Variants in WDCP observed in about 807,000 individuals in gnomAD.
WDCP encodes WD repeat and coiled coil containing, also known as WD repeat and coiled-coil-containing protein.
In WDCP, 19 loss-of-function variants were observed where a neutral mutation model predicts 41.6. The ratio of observed to expected loss-of-function variants is 0.46; its 90% CI spans 0.32 to 0.67. The LOEUF (loss-of-function observed/expected upper bound fraction) is 0.67. WDCP is among the 30% of genes least tolerant of loss of function. The pLI, the probability that WDCP is intolerant of heterozygous loss-of-function variation, is 0.04. For synonymous variants in WDCP, 302 were observed against 320.8 expected (o/e 0.94, Z 0.63); for missense variants, 802 against 850.7 (o/e 0.94, Z 0.71).
At chr2:24,045,127 T>G (rs1452709413) in intron 1 of WDCP, among the ~76,000 whole-genome samples, 1 of 152,164 alleles carries the variant, frequency 6.6e-6, no homozygotes, top group Non-Finnish European at 1.5e-5. Flanking sequence ...TGAAGCAAGT[T>G]TGCAACTATT....
At chr2:24,045,219 T>C (rs193277764) in intron 1 of WDCP, among the ~76,000 whole-genome samples, 1 of 152,182 alleles carries the variant, frequency 6.6e-6, no homozygotes, top group African/African-American at 2.4e-5. Flanking sequence ...ATATAAGTAG[T>C]GAGGAGGAAA....
Position 24,039,240 on chromosome 2 carries a change from GA to G in WDCP, c.254del (p.Val85AlafsTer17). ...GGCTGGGACACAGCTGCCACACAGTGACATGCTTCTCATGCTGGACAGCGAG... is the reference window on the plus strand; with the variant it reads ...GGCTGGGACACAGCTGCCACACAGTGCATGCTTCTCATGCTGGACAGCGAG... ...VLLAVQHEKHVTVWQLCPSPM... is the reference protein window; with the variant it reads ...VLLAVQHEKHXTVWQLCPSPM... On this transcript the variant is annotated frameshift_variant, in exon 2 of 4. Transcript: ENST00000295148. LOFTEE classifies it high-confidence loss of function. The G allele has an allele frequency of 1.9e-6, 3 of 1,614,264 alleles. No individual in the cohort carries two copies. Among genetic ancestry groups the G allele is most frequent in the Non-Finnish European group, 2.5e-6 (3 of 1,180,048 alleles).
At chr2:24,033,084 A>G (rs1037828779) in intron 2 of WDCP, 138 bp from the exon 3 acceptor site, 29 of 707,792 alleles carry the variant, frequency 4.1e-5, no homozygotes, top group Non-Finnish European at 1.6e-5. Context: ...AGTTTTAAGG[A>G]GCTCTTTGCT....
At chr2:24,042,535 CAAAAAAA>C (rs35044474) in intron 1 of WDCP, among the ~76,000 whole-genome samples, 5 of 61,582 alleles carry the variant, frequency 8.1e-5, no homozygotes, top group Non-Finnish European at 1.5e-4. Context: ...TACTCCGTCT[CAAAAAAA>C]AAAAAAAAAA....
In WDCP at chr2:24,039,202, C is replaced by T; in HGVS notation, c.293G>A (p.Ser98Asn). Residue 98 changes from serine to asparagine, a missense_variant, in exon 2 of 4, where the codon AGC becomes AAC. Physicochemically the swap from Ser to Asn is conservative, Grantham distance 46 (BLOSUM62 1). Transcript: ENST00000295148. ...WQLCPSPMES[S>N]KWLTSQTCEI... ...ACAAGTCTGAGACGTCAGCCATTTG[C>T]TTGACTCCATAGGGCTGGGACACAG... 1 of 1,614,224 alleles carries T rather than the reference C, an allele frequency of 6.2e-7. No individual in the cohort carries two copies. Among genetic ancestry groups the T allele is most frequent in the Non-Finnish European group, 8.5e-7 (1 of 1,180,038 alleles).
chr2:24,037,017 A>C (rs1032999985), intron 2 of WDCP, among the ~76,000 whole-genome samples: 1 of 152,276 alleles, frequency 6.6e-6, no homozygotes, highest in African/African-American at 2.4e-5. Flanking sequence ...AAAACATTTT[A>C]AATGAACATA....
chr2:24,034,334 C>T (rs534544442), intron 2 of WDCP, among the ~76,000 whole-genome samples: 15 of 152,258 alleles, frequency 9.9e-5, no homozygotes, highest in East Asian at 3.9e-4. Context: ...GGCAGAGAAT[C>T]GCTTGAACCC....
chr2:24,043,033 CAAAAAA>C (rs138929912), intron 1 of WDCP, among the ~76,000 whole-genome samples: 1 of 135,106 alleles, frequency 7.4e-6, no homozygotes, highest in Non-Finnish European at 1.6e-5. Flanking sequence ...AACTCCGTCT[CAAAAAA>C]AAAAAAAAAA....
In WDCP at chr2:24,045,617, A is replaced by G. The variant is rs1157662530; in HGVS notation, c.-19+1697T>C. On this transcript the variant is annotated intron_variant, in intron 1 of 3. Transcript: ENST00000295148. ...CTCCATCTCAAAAAAAAAAAAAAAA[A>G]AAAGAGAGAGAGAGAGGAAGGAAGG... Among the ~76,000 whole-genome samples, 158 of 99,422 alleles carry G rather than the reference A, an allele frequency of 1.6e-3. 1 individual carries two copies. Among genetic ancestry groups the G allele is most frequent in the African/African-American group, 7.1e-3 (143 of 20,092 alleles). 65.2% of individuals were successfully genotyped at this position (99,422 alleles called of 152,430 possible). A position where few individuals can be genotyped will look rare whatever the true frequency, so the allele number is the denominator to read the frequency against.
rs757340328 is a variant in WDCP at position 24,037,835 on chromosome 2, T to C, written c.1660A>G (p.Thr554Ala). ...QRKNLQSEKE[T>A]YQLSKEVEIL... ...TCCACTTCCTTAGACAGCTGATAAG[T>C]TTCCTTTTCACTTTGTAAGTTCTTT... Residue 554 changes from threonine (T) to alanine (A), a missense_variant, in exon 2 of 4, where the codon ACT (threonine) becomes GCT (alanine). This residue lies in a region of WDCP where 321 missense variants were observed against 305.1 expected (regional missense o/e 1.05). Transcript: ENST00000295148. The C allele has an allele frequency of 1.9e-6, 3 of 1,614,054 alleles. No individual in the cohort carries two copies. The highest frequency in any genetic ancestry group is 1.3e-5 in the African/African-American group (1 of 74,922).
intron 2 of WDCP, among the ~76,000 whole-genome samples, chr2:24,034,047 G>A (rs191430091): frequency 9.8e-4 from 150 of 152,332 alleles, no homozygotes; most frequent in African/African-American, 3.3e-3. Context: ...TGAAATTACA[G>A]GGGAAACTAT....
At chr2:24,046,790 C>G (rs1186762553) in intron 1 of WDCP, among the ~76,000 whole-genome samples, 1 of 152,214 alleles carries the variant, frequency 6.6e-6, no homozygotes, top group Non-Finnish European at 1.5e-5. Context: ...ACTAATCCCT[C>G]TAGACTCTTC....
intron 2 of WDCP, among the ~76,000 whole-genome samples, chr2:24,035,810 C>T (rs1189539902): frequency 1.3e-5 from 2 of 151,812 alleles, no homozygotes; most frequent in East Asian, 1.9e-4. Flanking sequence ...GTGGCTTACA[C>T]GTGTAATCTC....
At chr2:24,032,733 T>C in intron 3 of WDCP, 96 bp downstream of exon 3, 1 of 738,506 alleles carries the variant, frequency 1.4e-6, no homozygotes, top group Non-Finnish European at 2.5e-6. Flanking sequence ...AATTACTGAA[T>C]GGTTGGTATC....
At chr2:24,042,513 G>A (rs1479959412) in intron 1 of WDCP, among the ~76,000 whole-genome samples, 5 of 141,722 alleles carry the variant, frequency 3.5e-5, no homozygotes, top group Non-Finnish European at 6.0e-5. Flanking sequence ...TCCAGCCTGG[G>A]TGACAGAGCA....
At position 24,039,039 on chromosome 2, in the gene WDCP, G is replaced by A. The variant is rs1476195855; in HGVS notation, c.456C>T (p.Asp152=). 1 of 1,614,114 alleles carries A rather than the reference G, an allele frequency of 6.2e-7. No individual in the cohort carries two copies. Among genetic ancestry groups the A allele is most frequent in the Admixed American group, 1.7e-5 (1 of 60,026 alleles). The change falls in exon 2 of 4, where the codon GAC becomes GAT. Residue 152 remains aspartate, a synonymous_variant. Coordinates refer to ENST00000295148, the MANE Select transcript of WDCP (RefSeq NM_025203.3). ...AGTGAATGCGGCCCTGGGTGTTGATGTCTGCCTTTACCTGGGAATCATCAG... is the reference window on the plus strand; with the variant it reads ...AGTGAATGCGGCCCTGGGTGTTGATATCTGCCTTTACCTGGGAATCATCAG... ...VHSDDSQVKA[D]INTQGRIHCA... is the part of the protein sequence containing the mutation.
At chr2:24,044,527 A>G (rs1160826069) in intron 1 of WDCP, among the ~76,000 whole-genome samples, 1 of 152,180 alleles carries the variant, frequency 6.6e-6, no homozygotes, top group African/African-American at 2.4e-5. Flanking sequence ...TTGGCCTCCC[A>G]AAGTGCTAGG....
At chr2:24,036,903 G>A (rs1024428696) in intron 2 of WDCP, among the ~76,000 whole-genome samples, 1 of 152,232 alleles carries the variant, frequency 6.6e-6, no homozygotes, top group African/African-American at 2.4e-5. Flanking sequence ...GGAAGATGGG[G>A]CAAGGCCATA....
At chr2:24,039,849 G>A (rs1415056603) in intron 1 of WDCP, among the ~76,000 whole-genome samples, 2 of 151,932 alleles carry the variant, frequency 1.3e-5, no homozygotes, top group Non-Finnish European at 2.9e-5. Flanking sequence ...TCAGGCTGAA[G>A]TGCAATGGCA....
Sources: allele counts gnomAD v4.1 joint callset (sites outside exome capture counted in the v4.1 genomes callset), GRCh38; gene constraint gnomAD v4.1.1; regional missense constraint gnomAD v4.1.1; transcripts MANE v1.5; gene names NCBI Gene and HGNC (gene_info 2026-07-23, HGNC 2026-07-21).